The following CPEB3 variants were observed in gnomAD, a reference collection of about 807,000 sequenced individuals.
CPEB3 encodes cytoplasmic polyadenylation element binding protein 3.
Under a neutral mutation model 67.2 loss-of-function variants are expected in CPEB3, and 20 were observed. The observed-to-expected ratio is 0.30, with a 90% confidence interval of 0.21 to 0.43. The LOEUF is 0.43. CPEB3 is among the 20% of genes least tolerant of loss of function. CPEB3 has a pLI of 1.00. For synonymous variants in CPEB3, 376 were observed against 393.1 expected (o/e 0.96, Z 0.51); for missense variants, 746 against 968.6 (o/e 0.77, Z 3.05).
At chr10:92,166,080 C>A (rs925608451) in intron 4 of CPEB3, among the ~76,000 whole-genome samples, 4 of 151,816 alleles carry the variant, frequency 2.6e-5, no homozygotes. Context: ...CAATCTATGG[C>A]AAGTATTGCC....
At chr10:92,098,598 C>T (rs572422655) in intron 7 of CPEB3, among the ~76,000 whole-genome samples, 1 of 152,248 alleles carries the variant, frequency 6.6e-6, no homozygotes, top group South Asian at 2.1e-4. Context: ...GCCTTTTCCT[C>T]ACTTATTTCT....
chr10:92,269,105 C>T (rs1433304159), intron 1 of CPEB3, among the ~76,000 whole-genome samples: 1 of 152,014 alleles, frequency 6.6e-6, no homozygotes, highest in African/African-American at 2.4e-5. Flanking sequence ...CAATCACTGG[C>T]TGTGGGCTCC....
At chr10:92,156,188 A>G (rs1483106387) in intron 4 of CPEB3, among the ~76,000 whole-genome samples, 1 of 152,180 alleles carries the variant, frequency 6.6e-6, no homozygotes, top group Non-Finnish European at 1.5e-5. Context: ...AGGCCACTGG[A>G]GAAGGCTTCC....
At chr10:92,258,838 T>C (rs2134869446) in intron 1 of CPEB3, among the ~76,000 whole-genome samples, 1 of 151,608 alleles carries the variant, frequency 6.6e-6, no homozygotes, top group Non-Finnish European at 1.5e-5. Context: ...TTTGTATTTT[T>C]AGTAGAGATG....
chr10:92,096,240 A>G (rs898645639), intron 7 of CPEB3, among the ~76,000 whole-genome samples: 2 of 152,144 alleles, frequency 1.3e-5, no homozygotes, highest in Non-Finnish European at 2.9e-5. Flanking sequence ...TAGTAGAACG[A>G]CTATTTATAT....
chr10:92,109,920 A>G (rs1844652014), intron 7 of CPEB3, among the ~76,000 whole-genome samples: 1 of 152,106 alleles, frequency 6.6e-6, no homozygotes, highest in Non-Finnish European at 1.5e-5. Context: ...ATTGAATCCT[A>G]TGTAGGACTG....
At chr10:92,189,949 A>G (rs796902727) in intron 3 of CPEB3, among the ~76,000 whole-genome samples, 101 of 150,368 alleles carry the variant, frequency 6.7e-4, no homozygotes, top group African/African-American at 2.3e-3. Flanking sequence ...AAGCTCTAGG[A>G]AAAAAAAACA....
chr10:92,289,172 G>A (rs1842676462), intron 1 of CPEB3, among the ~76,000 whole-genome samples: 1 of 152,174 alleles, frequency 6.6e-6, no homozygotes, highest in African/African-American at 2.4e-5. Flanking sequence ...GAACCCGGAG[G>A]AGGAGACTGC....
rs537400238 is a variant in CPEB3 at position 92,248,031 on chromosome 10, C to T, written c.-11-7670G>A. On this transcript the variant is annotated intron_variant, in intron 1 of 9. Coordinates refer to ENST00000265997, the MANE Select transcript of CPEB3 (RefSeq NM_014912.5). ...GTAGCCATTAAAGGCTATAAAAATA[C>T]TTCACAGAATTAACTCACTGAGATA... Among the ~76,000 whole-genome samples the T allele has an allele frequency of 7.2e-5, 11 of 152,282 alleles. No individual in the cohort carries two copies. The South Asian group carries it at 2.3e-3, about 32-fold the overall frequency.
In CPEB3 at chr10:92,143,058, G is replaced by C; in HGVS notation, c.1424C>G (p.Ala475Gly). Residue 475 changes from alanine (A) to glycine (G), a missense_variant, in exon 6 of 10, where the codon GCT becomes GGT. By Grantham distance (60) the Ala-to-Gly change is moderately conservative. Coordinates refer to ENST00000265997, the MANE Select transcript of CPEB3 (RefSeq NM_014912.5). ...GPLVVDWPHK[A>G]ESKSYFPPKG... is the part of the protein sequence containing the mutation. ...AGGAGGAAAATAAGACTTGCTTTCA[G>C]CTTTGTGAGGCCAGTCTACTACGAG... 3 of 1,613,472 alleles carry C rather than the reference G, an allele frequency of 1.9e-6. No individual in the cohort carries two copies. Among genetic ancestry groups the C allele is most frequent in the Non-Finnish European group, 2.5e-6 (3 of 1,179,598 alleles).
intron 2 of CPEB3, among the ~76,000 whole-genome samples, chr10:92,196,765 T>C (rs1453407460): frequency 3.8e-5 from 5 of 132,376 alleles, no homozygotes; most frequent in Non-Finnish European, 6.1e-5. Flanking sequence ...AGACTCCGTC[T>C]CAAAAAAAAA....
At chr10:92,282,540 T>C (rs1842344275) in intron 1 of CPEB3, among the ~76,000 whole-genome samples, 1 of 151,888 alleles carries the variant, frequency 6.6e-6, no homozygotes, top group Admixed American at 6.6e-5. Context: ...ATACAAAAAT[T>C]AGCCAGGTGT....
At chr10:92,118,900 C>T in intron 6 of CPEB3, 2 of 939,400 alleles carry the variant, frequency 2.1e-6, no homozygotes, top group Non-Finnish European at 3.5e-6. Context: ...GGGCAGGGGC[C>T]TCTCTTTTTG....
rs1253657115 is a variant in CPEB3 at position 92,115,550 on chromosome 10, T to A, written c.1454-4356A>T. ...GGGCGGAAAAGAAAAAGCATTGCTG[T>A]AATATGAATGTTGATGACTTTATGT... On this transcript the variant is annotated intron_variant, in intron 6 of 9. Coordinates refer to ENST00000265997, the MANE Select transcript of CPEB3 (RefSeq NM_014912.5). Among the ~76,000 whole-genome samples, 3 of 152,346 alleles carry A rather than the reference T, an allele frequency of 2.0e-5. No individual in the cohort carries two copies. The South Asian group carries it at 6.2e-4, about 32-fold the overall frequency.
intron 2 of CPEB3, among the ~76,000 whole-genome samples, chr10:92,211,799 TC>T (rs1850100495): frequency 6.6e-6 from 1 of 151,888 alleles, no homozygotes; most frequent in Non-Finnish European, 1.5e-5. Flanking sequence ...CACCTCAGCC[TC>T]CCAAAGTGCT....
intron 8 of CPEB3, among the ~76,000 whole-genome samples, chr10:92,083,763 C>T (rs567844312): frequency 2.2e-4 from 34 of 152,222 alleles, no homozygotes; most frequent in African/African-American, 7.5e-4. Flanking sequence ...TTGTCTTCCA[C>T]GATAGGAAGG....
rs751679164 is a variant in CPEB3 at position 92,081,332 on chromosome 10, G to T, written c.1857C>A (p.Asp619Glu). 1.2e-6 allele frequency: 2 copies of T among 1,614,172 alleles called. No individual in the cohort carries two copies. ...AGTAGGTGCTTACCCGTTTGTCAAT[G>T]TCATTGTGCTGAAGCTGCACAAAAC... ...SARFVQLQHN[D>E]IDKRVEVKPY... The change falls in exon 9 of 10, where the codon GAC becomes GAA. Residue 619 changes from aspartate (D) to glutamate (E), a missense_variant. By Grantham distance (45) the Asp-to-Glu change is conservative. Coordinates refer to ENST00000265997, the MANE Select transcript of CPEB3 (RefSeq NM_014912.5).
Position 92,117,212 on chromosome 10 carries a change from C to T in CPEB3, c.1454-6018G>A, listed in dbSNP as rs532142131. On this transcript the variant is annotated intron_variant, in intron 6 of 9. Coordinates refer to ENST00000265997, the MANE Select transcript of CPEB3 (RefSeq NM_014912.5). ...CAAATTTTTGTATTTTTAGTAGAGA[C>T]GGGGTTTCACCATCTTGGCCAGGCT... Among the ~76,000 whole-genome samples the T allele has an allele frequency of 2.1e-4, 32 of 150,630 alleles. 1 individual carries two copies. Among genetic ancestry groups the T allele is most frequent in the East Asian group, 1.8e-3 (9 of 5,092 alleles).
intron 2 of CPEB3, among the ~76,000 whole-genome samples, chr10:92,222,009 T>C (rs1363488852): frequency 1.3e-5 from 2 of 152,140 alleles, no homozygotes. Context: ...ATTTCTATTA[T>C]TTATAAATTA....
Sources: gnomAD v4.1 joint callset for allele counts (sites outside exome capture counted in the v4.1 genomes callset) on GRCh38, gnomAD v4.1.1 for gene constraint, MANE v1.5 for transcripts, NCBI Gene and HGNC (gene_info 2026-07-23, HGNC 2026-07-21) for gene names.